Variants in KIF7 observed in about 807,000 individuals in gnomAD.
KIF7 encodes the protein kinesin-like protein KIF7.
In KIF7, 104 loss-of-function variants were observed where a neutral mutation model predicts 135.7. The ratio of observed to expected loss-of-function variants is 0.77; its 90% CI spans 0.65 to 0.90. KIF7 has a LOEUF of 0.90. KIF7 is among the 40% of genes least tolerant of loss of function. The pLI, the probability that KIF7 is intolerant of heterozygous loss-of-function variation, is 0.00. For synonymous variants in KIF7, 883 were observed against 809.4 expected (o/e 1.09, Z -1.54); for missense variants, 2,005 against 1,839.1 (o/e 1.09, Z -1.65).
In KIF7 at chr15:89,618,171, G is replaced by A. The variant is rs773754387; in HGVS notation, c.206C>T (p.Ser69Leu). The A allele has an allele frequency of 9.9e-6, 16 of 1,614,082 alleles. No homozygotes were observed. The South Asian group carries it at 1.8e-4, about 18-fold the overall frequency. The change falls in exon 2 of 3, where the codon TCA becomes TTA. Residue 69 changes from serine to leucine, a missense_variant and NMD_transcript_variant. Transcript: ENST00000558928. The stretch of plus-strand genomic sequence containing the variant: ...CTCGAGGTCCTCTGATCCTGGTCCT[G>A]ATATTGGTGTTGTTGAAGAGTCCCC...
chr15:89,621,738 C>A (rs1057470072), intron 1 of KIF7, among the ~76,000 whole-genome samples: 1 of 152,132 alleles, frequency 6.6e-6, no homozygotes, highest in African/African-American at 2.4e-5. Context: ...GCAGGTTTGA[C>A]TGAAGCCACG....
intron 11 of KIF7, among the ~76,000 whole-genome samples, chr15:89,634,406 T>C (rs1453534211): frequency 6.6e-6 from 1 of 152,126 alleles, no homozygotes; most frequent in East Asian, 1.9e-4. Flanking sequence ...TGCATTTCCA[T>C]CTGAGGTACT....
chr15:89,624,702 C>T (rs1264461150), downstream of KIF7: 5 of 1,614,158 alleles, frequency 3.1e-6, no homozygotes, highest in South Asian at 1.1e-5. Context: ...CAGAGCATGT[C>T]ACTCTCCTCA....
chr15:89,631,930 G>A (rs1436141234), intron 14 of KIF7, among the ~76,000 whole-genome samples: 2 of 152,342 alleles, frequency 1.3e-5, no homozygotes, highest in Middle Eastern at 3.4e-3. Context: ...GAGATGGCGA[G>A]AGGAGGATAA....
intron 14 of KIF7, 139 bp downstream of exon 14, chr15:89,632,681 T>C: frequency 1.1e-6 from 1 of 875,124 alleles, no homozygotes; most frequent in Non-Finnish European, 1.8e-6. Flanking sequence ...GGCAGGTTTA[T>C]CACTTGGAAG....
intron 18 of KIF7, 40 bp from the exon 19 acceptor site, chr15:89,628,826 G>GCAA (rs1296452365): frequency 6.2e-7 from 1 of 1,611,640 alleles, no homozygotes; most frequent in African/African-American, 1.3e-5. Flanking sequence ...GAAACAGGTG[G>GCAA]CAACACCTTC....
At chr15:89,618,534 G>T (rs1205356891) in intron 1 of KIF7, among the ~76,000 whole-genome samples, 1 of 152,180 alleles carries the variant, frequency 6.6e-6, no homozygotes, top group South Asian at 2.1e-4. Flanking sequence ...TTTCAAGAAG[G>T]CAGGGAAATT....
chr15:89,652,017 A>C (rs772867390), intron 2 of KIF7, among the ~76,000 whole-genome samples: 14 of 152,214 alleles, frequency 9.2e-5, no homozygotes, highest in Non-Finnish European at 2.1e-4. Context: ...TGTGAGGAAT[A>C]AATTTCTCTT....
At position 89,628,987 on chromosome 15, in the gene KIF7, C is replaced by T; in HGVS notation, c.3653G>A (p.Gly1218Asp). The change falls in exon 18 of 19, where the codon GGC (glycine) becomes GAC (aspartate). Residue 1218 changes from glycine to aspartate, a missense_variant. Transcript: ENST00000394412. ...CGACGAGGAGTTACCCCTGCTGTGGCCTACAGCGTTCACACCGCCGAGCTT... is the reference window on the plus strand; with the variant it reads ...CGACGAGGAGTTACCCCTGCTGTGGTCTACAGCGTTCACACCGCCGAGCTT... Reference protein sequence around the residue: ...KQKLGGVNAVGHSRGGEKRSL... With the variant: ...KQKLGGVNAVDHSRGGEKRSL... The T allele has an allele frequency of 1.2e-6, 2 of 1,613,840 alleles. No individual in the cohort carries two copies. Among genetic ancestry groups the T allele is most frequent in the Non-Finnish European group, 1.7e-6 (2 of 1,179,992 alleles).
chr15:89,621,105 C>T (rs1471154113), intron 1 of KIF7, among the ~76,000 whole-genome samples: 1 of 149,430 alleles, frequency 6.7e-6, no homozygotes, highest in African/African-American at 2.5e-5. Context: ...CTGCAACCTC[C>T]ACCTCCTGGG....
chr15:89,629,710 G>A, intron 16 of KIF7, 137 bp from the exon 17 acceptor site: 4 of 1,192,534 alleles, frequency 3.4e-6, no homozygotes, highest in Non-Finnish European at 3.5e-6. Flanking sequence ...GCTGAGCCAA[G>A]ACTCAGCCTC....
At position 89,632,836 on chromosome 15, in the gene KIF7, C is replaced by G. The variant is rs149221245; in HGVS notation, c.2879G>C (p.Arg960Pro). 6.2e-7 allele frequency: 1 copy of G among 1,606,770 alleles called. No homozygotes were observed. Among genetic ancestry groups the G allele is most frequent in the Non-Finnish European group, 8.5e-7 (1 of 1,179,630 alleles). Residue 960 changes from arginine to proline, a missense_variant, in exon 14 of 19, where the codon CGC (arginine) becomes CCC (proline). Transcript: ENST00000394412. ...GGGCCTCACCTGGCTGGATCTCAGG[C>G]GCTTGCTCTCCAGCCCCGTCTTCTC... ...MQEKTGLESK[R>P]LRSSQALNED...
Position 89,629,534 on chromosome 15 carries a change from CA to C in KIF7, c.3357del (p.Ile1119MetfsTer35). On this transcript the variant is annotated frameshift_variant, in exon 17 of 19. Transcript: ENST00000394412. LOFTEE classifies it high-confidence loss of function. ...TLREEQHQQQ[I>X]AFSELEMQLE... ...AGCTGCATCTCCAGTTCCGAGAAGG[CA>C]ATCTGCTGCTGGTGCTGCTCCTCTC... The C allele has an allele frequency of 6.2e-7, 1 of 1,610,048 alleles. No homozygotes were observed. Among genetic ancestry groups the C allele is most frequent in the Non-Finnish European group, 8.5e-7 (1 of 1,180,000 alleles).
chr15:89,625,230 A>T, downstream of KIF7: 1 of 1,613,696 alleles, frequency 6.2e-7, no homozygotes, highest in Non-Finnish European at 8.5e-7. Context: ...GCAGGGGGCA[A>T]ACCTACATCT....
At chr15:89,647,505 C>G (rs1964036320) in intron 6 of KIF7, 91 bp downstream of exon 6, 1 of 1,162,894 alleles carries the variant, frequency 8.6e-7, no homozygotes, top group African/African-American at 1.5e-5. Flanking sequence ...GTACCCTACC[C>G]TAACTCCCTC....
intron 12 of KIF7, 50 bp downstream of exon 12, chr15:89,633,636 C>T (rs1963734343): frequency 6.3e-7 from 1 of 1,587,266 alleles, no homozygotes; most frequent in East Asian, 2.3e-5. Flanking sequence ...GGGCCGCCAG[C>T]TCAGCCTATT....
At chr15:89,634,095 TTGAGACCAACC>T (rs1276747806) in intron 11 of KIF7, among the ~76,000 whole-genome samples, 1 of 152,126 alleles carries the variant, frequency 6.6e-6, no homozygotes, top group Non-Finnish European at 1.5e-5. Context: ...GGTCAGGAGT[TTGAGACCAACC>T]TGGCCAACAT....
chr15:89,629,612 C>T (rs1350426854), intron 16 of KIF7, 39 bp from the exon 17 acceptor site: 3 of 1,599,156 alleles, frequency 1.9e-6, no homozygotes, highest in South Asian at 2.2e-5. Context: ...CTCATCATGA[C>T]CCCTCTTCAT....
In KIF7 at chr15:89,648,482, C is replaced by A; in HGVS notation, c.1216G>T (p.Gly406Cys). 1 of 1,045,256 alleles carries A rather than the reference C, an allele frequency of 9.6e-7. No homozygotes were observed. The highest frequency in any genetic ancestry group is 4.6e-4 in the Middle Eastern group (1 of 2,194). The allele number at this position is 1,045,256 out of a possible 1,614,324, so 64.7% of individuals were successfully genotyped here. A position where few individuals can be genotyped will look rare whatever the true frequency, so the allele number is the denominator to read the frequency against. Residue 406 changes from glycine to cysteine, a missense_variant, in exon 5 of 19, where the codon GGC becomes TGC. Coordinates refer to ENST00000394412, the MANE Select transcript of KIF7 (RefSeq NM_198525.3). Reference protein sequence around the residue: ...TASAAAAMRLGAECARYRACT... With the variant: ...TASAAAAMRLCAECARYRACT... ...GCCCGGTAGCGCGCGCACTCGGCGC[C>A]CAGGCGCATGGCGGCCGCCGCGGAG...
Sources: allele counts gnomAD v4.1 joint callset (sites outside exome capture counted in the v4.1 genomes callset), GRCh38; gene constraint gnomAD v4.1.1; transcripts MANE v1.5; gene names NCBI Gene and HGNC (gene_info 2026-07-23, HGNC 2026-07-21).